The following EVC2 variants were observed in gnomAD, a reference collection of about 807,000 sequenced individuals.
EVC2 encodes EvC ciliary complex subunit 2, also known as limbin.
A neutral mutation model predicts 149.3 loss-of-function variants in EVC2; 148 were observed. The observed-to-expected ratio is 0.99, with a 90% CI of 0.87 to 1.14. The LOEUF is 1.14. Ranked by LOEUF, EVC2 falls within the 50% of genes most tolerant of loss-of-function variation. The pLI, the probability that EVC2 is intolerant of heterozygous loss-of-function variation, is 0.00. For missense variants in EVC2, 1,854 were observed against 1,627.3 expected (o/e 1.14, Z -2.40); for synonymous variants, 776 against 649.9 (o/e 1.19, Z -2.95).
chr4:5,702,767 T>G (rs1251632396), intron 1 of EVC2, among the ~76,000 whole-genome samples: 2 of 152,202 alleles, frequency 1.3e-5, no homozygotes, highest in Non-Finnish European at 2.9e-5. Context: ...AGCACTTTCT[T>G]GTAGAGCCTA....
rs1480925109 is a variant in EVC2 at position 5,622,828 on chromosome 4, C to T, written c.2210G>A (p.Arg737Lys). ...TTCAAACAGCGAAAGGGTCAGGGTCCTGAGATCGTCCAGGGCGGCCTGGTC... is the reference window on the plus strand; with the variant it reads ...TTCAAACAGCGAAAGGGTCAGGGTCTTGAGATCGTCCAGGGCGGCCTGGTC... ...RLDQAALDDL[R>K]TLTLSLFEKA... Residue 737 changes from arginine to lysine, a missense_variant, in exon 14 of 22, where the codon AGG (arginine) becomes AAG (lysine). Physicochemically the swap from Arg to Lys is conservative, Grantham distance 26. Transcript: ENST00000344408. This position sits in a 1 kb window ranked among gnomAD's most constrained non-coding sequence, Gnocchi z 5.8. The T allele has an allele frequency of 9.3e-6, 15 of 1,613,950 alleles. No homozygotes were observed. Among genetic ancestry groups the T allele is most frequent in the African/African-American group, 1.3e-5 (1 of 74,884 alleles).
chr4:5,689,065 T>C, intron 5 of EVC2, 92 bp downstream of exon 5: 1 of 1,424,572 alleles, frequency 7.0e-7, no homozygotes, highest in Non-Finnish European at 9.8e-7. Flanking sequence ...TGTAAGGCTT[T>C]AAGAACATGC....
At chr4:5,631,744 A>G (rs538065087) in intron 11 of EVC2, 49 bp downstream of exon 11, 1 of 1,609,390 alleles carries the variant, frequency 6.2e-7, no homozygotes, top group Admixed American at 1.7e-5. Flanking sequence ...CATTTACTGA[A>G]ACAATTCAGA....
chr4:5,656,036 G>C (rs867363731), intron 9 of EVC2, among the ~76,000 whole-genome samples: 8 of 152,284 alleles, frequency 5.3e-5, no homozygotes, highest in South Asian at 2.1e-4. Flanking sequence ...CTGCACTGTA[G>C]TCTCAGAAAA....
chr4:5,590,294 C>A (rs963690633), intron 16 of EVC2, among the ~76,000 whole-genome samples: 1 of 152,082 alleles, frequency 6.6e-6, no homozygotes, highest in Non-Finnish European at 1.5e-5. Flanking sequence ...GAGTGATGGG[C>A]AAGGCATGGC....
At chr4:5,642,877 G>A (rs1486023888) in intron 9 of EVC2, among the ~76,000 whole-genome samples, 9 of 152,146 alleles carry the variant, frequency 5.9e-5, no homozygotes, top group Admixed American at 3.9e-4. Context: ...TGTCAATATT[G>A]ACCAATCTTG....
At position 5,665,549 on chromosome 4, in the gene EVC2, T is replaced by C; in HGVS notation, c.971A>G (p.Gln324Arg). 1 of 1,614,082 alleles carries C rather than the reference T, an allele frequency of 6.2e-7. No homozygotes were observed. Among genetic ancestry groups the C allele is most frequent in the Non-Finnish European group, 8.5e-7 (1 of 1,180,022 alleles). ...GGTGAGCATGTTTCCCTTCAGACAC[T>C]GATAGCGAACCATGAGGAAGAGGGC... ...WAALFLMVRY[Q>R]CLKGNMLTRH... The change falls in exon 8 of 22, where the codon CAG becomes CGG. Residue 324 changes from glutamine to arginine, a missense_variant. Coordinates refer to ENST00000344408, the MANE Select transcript of EVC2 (RefSeq NM_147127.5).
At chr4:5,594,078 T>G (rs1056003570) in intron 16 of EVC2, among the ~76,000 whole-genome samples, 32 of 152,152 alleles carry the variant, frequency 2.1e-4, no homozygotes, top group Non-Finnish European at 3.7e-4. Context: ...AAGCTCAAAC[T>G]GGGTGGAGCC....
intron 9 of EVC2, among the ~76,000 whole-genome samples, chr4:5,653,842 C>A (rs1718313631): frequency 6.6e-6 from 1 of 152,204 alleles, no homozygotes; most frequent in African/African-American, 2.4e-5. Flanking sequence ...TAATGCGTGC[C>A]TGTTACAAAC....
At position 5,628,683 on chromosome 4, in the gene EVC2, G is replaced by C. The variant is rs1297456994; in HGVS notation, c.1762C>G (p.Leu588Val). 19 of 1,613,486 alleles carry C rather than the reference G, an allele frequency of 1.2e-5. No individual in the cohort carries two copies. The highest frequency in any genetic ancestry group is 1.6e-5 in the Non-Finnish European group (19 of 1,179,982). Residue 588 changes from leucine (L) to valine (V), a missense_variant, in exon 12 of 22, where the codon CTA (leucine) becomes GTA (valine). Coordinates refer to ENST00000344408, the MANE Select transcript of EVC2 (RefSeq NM_147127.5). ...TCCCTGTGGCCAAATCTTTTACTTA[G>C]ATGATACCTCTTACTAGCCTGGAAA... Reference protein sequence around the residue: ...DFFQASKRYHLSKRFGHREYL... With the variant: ...DFFQASKRYHVSKRFGHREYL...
At chr4:5,689,114 A>G in intron 5 of EVC2, 43 bp downstream of exon 5, 1 of 1,606,724 alleles carries the variant, frequency 6.2e-7, no homozygotes, top group Non-Finnish European at 8.5e-7. Context: ...ATCTGTACAT[A>G]TTCTCATTTG....
At chr4:5,645,991 G>A (rs1302464683) in intron 9 of EVC2, among the ~76,000 whole-genome samples, 3 of 152,128 alleles carry the variant, frequency 2.0e-5, no homozygotes, top group Non-Finnish European at 2.9e-5. Context: ...GTGCAATGGC[G>A]TGATCTTGGC....
intron 10 of EVC2, among the ~76,000 whole-genome samples, chr4:5,639,653 C>T (rs555392937): frequency 6.6e-6 from 1 of 152,348 alleles, no homozygotes; most frequent in East Asian, 1.9e-4. Flanking sequence ...TCAGGTTTTT[C>T]TGACTCTAGA....
chr4:5,589,998 G>A (rs147986501), intron 16 of EVC2, among the ~76,000 whole-genome samples: 7 of 152,266 alleles, frequency 4.6e-5, no homozygotes, highest in Admixed American at 6.5e-5. Flanking sequence ...GGAGGGGTCA[G>A]GGAAAGTCAT....
intron 16 of EVC2, among the ~76,000 whole-genome samples, chr4:5,590,324 T>C (rs1157867832): frequency 6.6e-6 from 1 of 151,996 alleles, no homozygotes; most frequent in Non-Finnish European, 1.5e-5. Context: ...TAAGAGGTGA[T>C]CAATAAAAAT....
rs554618725 is a variant in EVC2 at position 5,613,726 on chromosome 4, A to G, written c.2829+1696T>C. 3.3e-5 allele frequency among the ~76,000 whole-genome samples: 5 copies of G among 152,070 alleles called. 1 individual carries two copies. In the South Asian group the frequency reaches 8.3e-4, roughly 25 times the overall value. ...AGCCCAGTGGCTCTCACATTGATGT[A>G]TATCTCTTGAATTAGCCTTTAACAA... On this transcript the variant is annotated intron_variant, in intron 16 of 21. Transcript: ENST00000344408. This position sits in a 1 kb window ranked among gnomAD's most constrained non-coding sequence, Gnocchi z 4.6.
intron 8 of EVC2, among the ~76,000 whole-genome samples, chr4:5,665,304 A>G (rs1719192657): frequency 1.3e-5 from 2 of 152,120 alleles, no homozygotes; most frequent in African/African-American, 4.8e-5. Flanking sequence ...TGCACAGCAC[A>G]GCAAGACCCT....
At position 5,618,150 on chromosome 4, in the gene EVC2, G is replaced by A. The variant is rs1715402421; in HGVS notation, c.2706+328C>T. On this transcript the variant is annotated intron_variant, in intron 15 of 21. Transcript: ENST00000344408. This position sits in a 1 kb window ranked among gnomAD's most constrained non-coding sequence, Gnocchi z 4.4. Reference sequence around the variant, plus strand: ...AGTCATTAGCTGTGGCTGGAGGAGGGGGCAGGAGAGACAGAGTAATATCTC... The same window carrying A: ...AGTCATTAGCTGTGGCTGGAGGAGGAGGCAGGAGAGACAGAGTAATATCTC... Among the ~76,000 whole-genome samples the A allele has an allele frequency of 6.6e-6, 1 of 152,144 alleles. No individual in the cohort carries two copies. Among genetic ancestry groups the A allele is most frequent in the South Asian group, 2.1e-4 (1 of 4,832 alleles).
In EVC2 at chr4:5,569,125, C is replaced by T. The variant is rs192484845; in HGVS notation, c.3361-485G>A. Among the ~76,000 whole-genome samples, 7 of 152,250 alleles carry T rather than the reference C, an allele frequency of 4.6e-5. No homozygotes were observed. Among genetic ancestry groups the T allele is most frequent in the African/African-American group, 1.7e-4 (7 of 41,562 alleles). Reference sequence around the variant, plus strand: ...TGGAAGGATCCCAGGGGCATTATGCCGAGTGGAAACAGCCAGTCTCCAAAG... The same window carrying T: ...TGGAAGGATCCCAGGGGCATTATGCTGAGTGGAAACAGCCAGTCTCCAAAG... On this transcript the variant is annotated intron_variant, in intron 19 of 21. Coordinates refer to ENST00000344408, the MANE Select transcript of EVC2 (RefSeq NM_147127.5). This position sits in a 1 kb window ranked among gnomAD's most constrained non-coding sequence, Gnocchi z 4.8.
Sources: gnomAD v4.1 joint callset for allele counts (sites outside exome capture counted in the v4.1 genomes callset) on GRCh38, gnomAD v4.1.1 for gene constraint, Gnocchi (gnomAD v3.1) non-coding constraint, MANE v1.5 for transcripts, NCBI Gene and HGNC (gene_info 2026-07-23, HGNC 2026-07-21) for gene names.